ADAP2: variants seen among roughly 807,000 people sequenced by gnomAD.
ADAP2 encodes the protein ArfGAP with dual PH domains 2, also known as arf-GAP with dual PH domain-containing protein 2.
A neutral mutation model predicts 54.9 loss-of-function variants in ADAP2; 42 were observed. The ratio of observed to expected loss-of-function variants is 0.77; its 90% CI spans 0.60 to 0.99. ADAP2 has a LOEUF of 0.99. Ranked by LOEUF, ADAP2 falls within the 50% of genes least tolerant of loss-of-function variation. ADAP2 has a pLI of 0.00. For synonymous variants in ADAP2, 177 were observed against 180.1 expected, an observed-to-expected ratio of 0.98 and a Z score of 0.14; for missense variants, 429 against 480.4, an observed-to-expected ratio of 0.89 and a Z score of 1.00.
At chr17:30,940,086 CGAG>C (rs2142546288) in intron 5 of ADAP2, among the ~76,000 whole-genome samples, 1 of 152,210 alleles carries the variant, frequency 6.6e-6, no homozygotes, top group African/African-American at 2.4e-5. Flanking sequence ...CTCAGCCTCC[CGAG>C]TAGCTGAGAC....
chr17:30,939,900 C>T (rs1011845725), intron 5 of ADAP2, among the ~76,000 whole-genome samples: 2 of 152,176 alleles, frequency 1.3e-5, no homozygotes, highest in African/African-American at 2.4e-5. Flanking sequence ...TTTAGTCCAT[C>T]CCCTAGCAAT....
rs1904916962 is a variant in ADAP2, at chr17:30,954,529, A to C, written c.856A>C (p.Arg286=). 6.2e-7 allele frequency: 1 copy of C among 1,614,000 alleles called. No individual in the cohort carries two copies. Among genetic ancestry groups the C allele is most frequent in the Non-Finnish European group, 8.5e-7 (1 of 1,179,988 alleles). The change falls in exon 9 of 11, where the codon AGG becomes CGG. Residue 286 remains arginine, a synonymous_variant. Transcript: ENST00000330889. ...GTTCGCCCTGGATTGCCATGAGCGG[A>C]GGCTGCTCTATTACAAGAACCCACT... ...RWFALDCHER[R]LLYYKNPLDA...
chr17:30,937,850 C>G (rs1372160622), intron 5 of ADAP2, among the ~76,000 whole-genome samples: 1 of 152,166 alleles, frequency 6.6e-6, no homozygotes, highest in Non-Finnish European at 1.5e-5. Context: ...AGGGGATGCT[C>G]AAAAGTCCTT....
intron 5 of ADAP2, among the ~76,000 whole-genome samples, chr17:30,939,131 C>T (rs1479217855): frequency 6.6e-6 from 1 of 151,994 alleles, no homozygotes; most frequent in Non-Finnish European, 1.5e-5. Flanking sequence ...AACATTTTTG[C>T]TGAAATGGTA....
intron 7 of ADAP2, among the ~76,000 whole-genome samples, chr17:30,949,673 C>T (rs1409896082): frequency 2.1e-5 from 3 of 144,994 alleles, no homozygotes; most frequent in Admixed American, 6.9e-5. Context: ...GGTGTTAACC[C>T]GGGAGGCGGA....
chr17:30,923,372 C>T (rs193255830), intron 2 of ADAP2, among the ~76,000 whole-genome samples: 1 of 150,512 alleles, frequency 6.6e-6, no homozygotes, highest in East Asian at 2.0e-4. Context: ...TCAAGTAATT[C>T]TCCTGCCTCA....
rs539650344 is a variant in ADAP2 at position 30,944,220 on chromosome 17, T to A, written c.511-687T>A. Among the ~76,000 whole-genome samples the A allele has an allele frequency of 2.0e-5, 3 of 152,284 alleles. No individual in the cohort carries two copies. The South Asian group carries it at 6.2e-4, about 32-fold the overall frequency. ...AAAAACAAAGAAAAGAATGAGATCA[T>A]GTTCTCTCAGCAACGTGGATTGATC... is the stretch of plus-strand genomic sequence containing the variant. On this transcript the variant is annotated intron_variant, in intron 5 of 10. Coordinates refer to ENST00000330889, the MANE Select transcript of ADAP2 (RefSeq NM_018404.3).
chr17:30,944,347 G>C (rs1912493503), intron 5 of ADAP2, among the ~76,000 whole-genome samples: 1 of 150,248 alleles, frequency 6.7e-6, no homozygotes, highest in Admixed American at 6.6e-5. Flanking sequence ...ACAAAGAAGG[G>C]AACGATAGGC....
intron 5 of ADAP2, 104 bp downstream of exon 5, chr17:30,934,401 C>G: frequency 2.7e-6 from 2 of 752,762 alleles, no homozygotes; most frequent in Non-Finnish European, 4.3e-6. Flanking sequence ...ATAATCTCAG[C>G]CCCTGAGAGT....
At chr17:30,957,321 C>A (rs924241277) in intron 10 of ADAP2, among the ~76,000 whole-genome samples, 1 of 152,032 alleles carries the variant, frequency 6.6e-6, no homozygotes, top group East Asian at 1.9e-4. Context: ...TGTCTCTGTC[C>A]CTCCACTTTT....
At chr17:30,924,337 C>A (rs1206570731) in intron 2 of ADAP2, among the ~76,000 whole-genome samples, 1 of 151,346 alleles carries the variant, frequency 6.6e-6, no homozygotes, top group East Asian at 1.9e-4. Context: ...CGCACCACTG[C>A]ACTCCAGCCA....
At position 30,925,532 on chromosome 17, in the gene ADAP2, C is replaced by G. The variant is rs2142505355; in HGVS notation, c.226-1295C>G. On this transcript the variant is annotated intron_variant, in intron 2 of 10. Coordinates refer to ENST00000330889, the MANE Select transcript of ADAP2 (RefSeq NM_018404.3). ...TCTTCTTCTTCCTCCTCCTCCTCTT[C>G]TTCTTCTTCCTTCTTCCTTCTTCTT... is the stretch of plus-strand genomic sequence containing the variant. Among the ~76,000 whole-genome samples the G allele has an allele frequency of 2.7e-5, 4 of 149,950 alleles. 1 individual carries two copies. In the Middle Eastern group the frequency reaches 0.014, roughly 514 times the overall value.
chr17:30,934,112 C>G, intron 4 of ADAP2, 73 bp from the exon 5 acceptor site: 1 of 1,149,908 alleles, frequency 8.7e-7, no homozygotes, highest in Non-Finnish European at 1.3e-6. Context: ...CCCTTGAGAA[C>G]CTCAGAGGTT....
rs199813260 is a variant in ADAP2 at position 30,954,431 on chromosome 17, C to T, written c.805-47C>T. On this transcript the variant is annotated intron_variant, in intron 8 of 10. Transcript: ENST00000330889. ...TGGGCTGGCCCCTGACCTCTATCCTCAGAAACTGACCTGGTCATCTGTGGT... is the reference window on the plus strand; with the variant it reads ...TGGGCTGGCCCCTGACCTCTATCCTTAGAAACTGACCTGGTCATCTGTGGT... 3.8e-6 allele frequency: 6 copies of T among 1,576,342 alleles called. No individual in the cohort carries two copies. In the African/African-American group the frequency reaches 6.7e-5, roughly 18 times the overall value.
At position 30,958,478 on chromosome 17, in the gene ADAP2, C is replaced by T. The variant is rs1905225001; in HGVS notation, c.*609C>T. The T allele has an allele frequency of 6.6e-6, 1 of 152,508 alleles. No individual in the cohort carries two copies. The highest frequency in any genetic ancestry group is 1.5e-5 in the Non-Finnish European group (1 of 68,300). 9.4% of individuals were successfully genotyped at this position (152,508 alleles called of 1,614,324 possible). ...ATGTTAGAGAAACAGAGCACCAAGT[C>T]CCCTGCTCTGTGACTCGTTGTTCCT... On this transcript the variant is annotated 3_prime_UTR_variant, in exon 11 of 11. Transcript: ENST00000330889.
chr17:30,954,585 G>T, intron 9 of ADAP2, 30 bp downstream of exon 9: 1 of 1,590,450 alleles, frequency 6.3e-7, no homozygotes, highest in Non-Finnish European at 8.6e-7. Flanking sequence ...CCTCCCCAGG[G>T]CTTCCTCAAA....
intron 9 of ADAP2, among the ~76,000 whole-genome samples, chr17:30,954,863 T>A (rs1598058901): frequency 6.6e-6 from 1 of 152,064 alleles, no homozygotes; most frequent in East Asian, 1.9e-4. Context: ...TGATGTGTAG[T>A]AGTTAGGAGT....
intron 7 of ADAP2, among the ~76,000 whole-genome samples, chr17:30,949,736 G>A (rs1326106696): frequency 2.2e-5 from 3 of 133,912 alleles, no homozygotes; most frequent in Non-Finnish European, 4.6e-5. Context: ...GTGACAGAGT[G>A]AGACTCCGTC....
chr17:30,922,611 C>A (rs1043885749), intron 1 of ADAP2, among the ~76,000 whole-genome samples: 1 of 152,130 alleles, frequency 6.6e-6, no homozygotes, highest in Admixed American at 6.5e-5. Flanking sequence ...TCGGGGACGC[C>A]GAGGGCCCCC....
Sources: allele counts gnomAD v4.1 joint callset (sites outside exome capture counted in the v4.1 genomes callset), GRCh38; gene constraint gnomAD v4.1.1; transcripts MANE v1.5; gene names NCBI Gene and HGNC (gene_info 2026-07-23, HGNC 2026-07-21).